Variants in TAS2R1 observed in about 807,000 individuals in gnomAD.
The protein encoded by TAS2R1 is taste 2 receptor member 1, also known as taste receptor type 2 member 1.
For missense variants in TAS2R1, 370 were observed against 353.4 expected (o/e 1.05, Z -0.38); for synonymous variants, 141 against 134.2 (o/e 1.05, Z -0.35).
At chr5:9,758,885 T>C in the TAS2R1 span, among the ~76,000 whole-genome samples, 2 of 152,174 alleles carry the variant, frequency 1.3e-5, no homozygotes, top group South Asian at 4.1e-4. Context: ...ATTATGACTG[T>C]CATACAAATA....
At chr5:9,651,533 AT>A (rs1173711667) in intron 2 of TAS2R1, among the ~76,000 whole-genome samples, 11 of 152,176 alleles carry the variant, frequency 7.2e-5, no homozygotes, top group Non-Finnish European at 1.3e-4. Context: ...ATTCCCAAAG[AT>A]TTTTTTCATG....
At chr5:9,825,757 C>A in the TAS2R1 span, among the ~76,000 whole-genome samples, 2 of 152,126 alleles carry the variant, frequency 1.3e-5, no homozygotes, top group African/African-American at 4.8e-5. Flanking sequence ...GTAAAAATAA[C>A]AAAAATAGCT....
At chr5:9,847,537 G>C in the TAS2R1 span, among the ~76,000 whole-genome samples, 1 of 152,206 alleles carries the variant, frequency 6.6e-6, no homozygotes, top group Non-Finnish European at 1.5e-5. Flanking sequence ...TAGAAGAAGA[G>C]AGTGAAGGCA....
chr5:9,814,031 C>G, the TAS2R1 span, among the ~76,000 whole-genome samples: 1 of 152,096 alleles, frequency 6.6e-6, no homozygotes, highest in Admixed American at 6.6e-5. Flanking sequence ...TCTGACACTC[C>G]ACTATTCTTT....
chr5:9,673,396 C>A (rs1740808000), intron 1 of TAS2R1, among the ~76,000 whole-genome samples: 1 of 152,114 alleles, frequency 6.6e-6, no homozygotes, highest in African/African-American at 2.4e-5. Flanking sequence ...GGAGATACAA[C>A]AAAGCCTGTG....
At chr5:9,863,547 G>A in the TAS2R1 span, among the ~76,000 whole-genome samples, 3 of 152,298 alleles carry the variant, frequency 2.0e-5, no homozygotes, top group East Asian at 5.8e-4. Flanking sequence ...TTACGGGCGT[G>A]AGCCACCGCA....
chr5:9,828,649 G>T, the TAS2R1 span, among the ~76,000 whole-genome samples: 3 of 152,088 alleles, frequency 2.0e-5, no homozygotes, highest in African/African-American at 7.2e-5. Flanking sequence ...TCATATCCCT[G>T]TTTTTCTATA....
chr5:9,663,107 C>T lies in TAS2R1; in HGVS notation c.-241-3526G>A, dbSNP rs73743133. Among the ~76,000 whole-genome samples, 1,364 of 151,620 alleles carry T rather than the reference C, an allele frequency of 9.0e-3. 13 individuals are homozygous for T. The highest frequency in any genetic ancestry group is 0.031 in the African/African-American group (1,283 of 41,454). On this transcript the variant is annotated intron_variant, in intron 1 of 2. Transcript: ENST00000506620. ...CGTTATATTTGCATGCTATTCTATA[C>T]TATAAAGCATTATTATATATAAAAA...
chr5:9,675,843 T>C (rs1740864726), intron 1 of TAS2R1, among the ~76,000 whole-genome samples: 1 of 152,222 alleles, frequency 6.6e-6, no homozygotes. Context: ...GTATGACTTT[T>C]ATTACATTTT....
the TAS2R1 span, among the ~76,000 whole-genome samples, chr5:9,736,658 G>C: frequency 6.6e-6 from 1 of 152,166 alleles, no homozygotes; most frequent in South Asian, 2.1e-4. Flanking sequence ...CCCAAATAAA[G>C]TACTTGTGTT....
chr5:9,785,193 GTATCCTTCCA>G, the TAS2R1 span, among the ~76,000 whole-genome samples: 1 of 152,082 alleles, frequency 6.6e-6, no homozygotes, highest in African/African-American at 2.4e-5. Flanking sequence ...GTTGCTATGT[GTATCCTTCCA>G]TATGCTTCTA....
At chr5:9,702,779 G>A (rs1741518855) in intron 1 of TAS2R1, among the ~76,000 whole-genome samples, 2 of 152,082 alleles carry the variant, frequency 1.3e-5, no homozygotes, top group African/African-American at 4.8e-5. Flanking sequence ...ACGAGAGGCA[G>A]GTTTCAGAGG....
At chr5:9,715,372 A>G (rs548412355), upstream of TAS2R1, among the ~76,000 whole-genome samples, 44 of 152,308 alleles carry the variant, frequency 2.9e-4, no homozygotes, top group Admixed American at 1.9e-3. Flanking sequence ...CACCCACCCA[A>G]TTGGGCAGCC....
At chr5:9,826,479 G>C in the TAS2R1 span, among the ~76,000 whole-genome samples, 1 of 152,116 alleles carries the variant, frequency 6.6e-6, no homozygotes, top group Non-Finnish European at 1.5e-5. Flanking sequence ...TATTTCATTG[G>C]TTTCTTATTT....
chr5:9,772,525 T>C, the TAS2R1 span, among the ~76,000 whole-genome samples: 14 of 152,120 alleles, frequency 9.2e-5, no homozygotes, highest in African/African-American at 3.1e-4. Flanking sequence ...GTTCATTTGG[T>C]CTATAGTGTA....
At chr5:9,804,735 A>G in the TAS2R1 span, among the ~76,000 whole-genome samples, 1 of 152,162 alleles carries the variant, frequency 6.6e-6, no homozygotes, top group African/African-American at 2.4e-5. Context: ...TCTGGGATAC[A>G]CCAAAGGCAG....
chr5:9,790,649 G>T, the TAS2R1 span, among the ~76,000 whole-genome samples: 7 of 151,268 alleles, frequency 4.6e-5, no homozygotes, highest in Admixed American at 4.6e-4. Flanking sequence ...TTTCTTTTTT[G>T]AGACAGTCTC....
chr5:9,656,531 G>T (rs75744693), intron 2 of TAS2R1, among the ~76,000 whole-genome samples: 3,801 of 152,236 alleles, frequency 0.025, 159 homozygotes, highest in African/African-American at 0.087. Context: ...AAGACAAGCA[G>T]GGAAAAATAA....
chr5:9,808,448 T>C, the TAS2R1 span, among the ~76,000 whole-genome samples: 2 of 152,198 alleles, frequency 1.3e-5, no homozygotes, highest in Admixed American at 6.5e-5. Context: ...AAAGAAGGAA[T>C]TGTTGAGTAA....
Sources: gnomAD v4.1 joint callset for allele counts (sites outside exome capture counted in the v4.1 genomes callset) on GRCh38, gnomAD v4.1.1 for gene constraint, MANE v1.5 for transcripts, NCBI Gene and HGNC (gene_info 2026-07-23, HGNC 2026-07-21) for gene names.